The following MKNK1 variants were observed in gnomAD, a reference collection of about 807,000 sequenced individuals.
MKNK1 encodes the protein MAPK interacting serine/threonine kinase 1.
A neutral mutation model predicts 49.3 loss-of-function variants in MKNK1; 30 were observed. The observed-to-expected ratio is 0.61, with a 90% CI of 0.46 to 0.83. The LOEUF (loss-of-function observed/expected upper bound fraction) is 0.83. Among genes scored for constraint, MKNK1 ranks in the 40% least tolerant of loss-of-function variants. The pLI is 0.00. For missense variants in MKNK1, 423 were observed against 524.7 expected (o/e 0.81, Z 1.89); for synonymous variants, 176 against 201.7 (o/e 0.87, Z 1.08).
chr1:46,561,851 T>G (rs942924285), intron 10 of MKNK1, among the ~76,000 whole-genome samples: 2 of 152,326 alleles, frequency 1.3e-5, no homozygotes, highest in South Asian at 4.1e-4. Context: ...CAGGCCAGGA[T>G]GGCTATGCCC....
At chr1:46,570,771 G>A (rs1669978065) in intron 7 of MKNK1, among the ~76,000 whole-genome samples, 1 of 152,240 alleles carries the variant, frequency 6.6e-6, no homozygotes. Flanking sequence ...GGGAGGTGAG[G>A]ATGGAGGAAA....
intron 3 of MKNK1, among the ~76,000 whole-genome samples, chr1:46,581,954 T>C (rs1261639299): frequency 6.6e-6 from 1 of 152,194 alleles, no homozygotes; most frequent in African/African-American, 2.4e-5. Context: ...GCCTCCATTC[T>C]TCAGCCTTTT....
chr1:46,581,505 T>C (rs983333099), intron 3 of MKNK1, among the ~76,000 whole-genome samples: 17 of 32,362 alleles, frequency 5.3e-4, no homozygotes, highest in Non-Finnish European at 1.1e-4. Flanking sequence ...TGAGACCCCA[T>C]ATCAAAAAAA....
At chr1:46,583,167 G>T in intron 3 of MKNK1, 61 bp downstream of exon 3, 1 of 1,340,284 alleles carries the variant, frequency 7.5e-7, no homozygotes. Context: ...GTGGCTCCCG[G>T]GATGCTCCTC....
rs551722831 is a variant in MKNK1, at chr1:46,589,851, G to A, written c.-3+4262C>T. Among the ~76,000 whole-genome samples the A allele has an allele frequency of 1.2e-4, 19 of 152,216 alleles. No individual in the cohort carries two copies. The highest frequency in any genetic ancestry group is 4.6e-4 in the African/African-American group (19 of 41,538). ...TCTTATGAGCCACATTGTCCCCAAA[G>A]GAACCAGATCTGTACTCCAAATTTT... On this transcript the variant is annotated intron_variant, in intron 2 of 12. Transcript: ENST00000371945. This position sits in a 1 kb window ranked among gnomAD's most constrained non-coding sequence, Gnocchi z 4.3.
chr1:46,594,222 A>C lies in MKNK1; in HGVS notation c.-112T>G. On this transcript the variant is annotated 5_prime_UTR_variant, in exon 2 of 13. It adds an upstream start codon to the 5' untranslated region. Transcript: ENST00000371945. ...GTCTTCCAGCTACACGAAGTGTCTCAATGGCCTTTGTGCGTAGGTGGCAAT... is the reference window on the plus strand; with the variant it reads ...GTCTTCCAGCTACACGAAGTGTCTCCATGGCCTTTGTGCGTAGGTGGCAAT... 1 of 1,199,542 alleles carries C rather than the reference A, an allele frequency of 8.3e-7. No individual in the cohort carries two copies. The highest frequency in any genetic ancestry group is 1.2e-6 in the Non-Finnish European group (1 of 804,116). 74.3% of individuals were successfully genotyped at this position (1,199,542 alleles called of 1,614,324 possible).
At position 46,561,696 on chromosome 1, in the gene MKNK1, GC is replaced by G. The variant is rs763811571; in HGVS notation, c.805-55del. 5 of 1,583,594 alleles carry G rather than the reference GC, an allele frequency of 3.2e-6. No homozygotes were observed. In the South Asian group the frequency reaches 5.7e-5, roughly 18 times the overall value. ...ACACTGCCAGGGATGGGCAGGATGTGCCTGTCATTGTTTTGATCAACCGGCT... is the reference window on the plus strand; with the variant it reads ...ACACTGCCAGGGATGGGCAGGATGTGCTGTCATTGTTTTGATCAACCGGCT... On this transcript the variant is annotated intron_variant, in intron 10 of 12. Coordinates refer to ENST00000371945, the MANE Select transcript of MKNK1 (RefSeq NM_001135553.4).
chr1:46,600,860 A>G (rs1674643501), intron 1 of MKNK1, among the ~76,000 whole-genome samples: 1 of 152,174 alleles, frequency 6.6e-6, no homozygotes. Context: ...GACTGAAAAA[A>G]CAGAGTCATG....
intron 1 of MKNK1, 140 bp downstream of exon 1, chr1:46,604,045 G>A: frequency 6.6e-6 from 1 of 152,332 alleles, no homozygotes; most frequent in Non-Finnish European, 1.5e-5. Context: ...GTCCCCTTAG[G>A]CTGTCCCTCC....
chr1:46,567,713 C>T (rs1054362426), intron 8 of MKNK1, among the ~76,000 whole-genome samples: 4 of 152,224 alleles, frequency 2.6e-5, no homozygotes, highest in African/African-American at 9.6e-5. Flanking sequence ...TATATACACG[C>T]AGAGCTGTGA....
At chr1:46,561,318 G>A (rs1327203312) in intron 11 of MKNK1, among the ~76,000 whole-genome samples, 160 bp downstream of exon 11, 2 of 152,206 alleles carry the variant, frequency 1.3e-5, no homozygotes, top group Non-Finnish European at 2.9e-5. Flanking sequence ...TGGGGTAACA[G>A]GAGGAGTCGA....
At chr1:46,579,619 T>C (rs187360964) in intron 4 of MKNK1, among the ~76,000 whole-genome samples, 7 of 152,332 alleles carry the variant, frequency 4.6e-5, no homozygotes, top group Non-Finnish European at 7.4e-5. Context: ...CCCCTGTTTC[T>C]GAGTTGGTAC....
intron 1 of MKNK1, among the ~76,000 whole-genome samples, chr1:46,601,105 T>C (rs1320409253): frequency 1.3e-5 from 2 of 152,118 alleles, no homozygotes; most frequent in African/African-American, 2.4e-5. Context: ...TTAGTAGAGA[T>C]GGGGTTTCAC....
At chr1:46,594,372 C>A in intron 1 of MKNK1, 92 bp from the exon 2 acceptor site, 1 of 585,810 alleles carries the variant, frequency 1.7e-6, no homozygotes, top group Non-Finnish European at 3.1e-6. Flanking sequence ...TGCCCCAAAC[C>A]TATGAGTTAC....
chr1:46,603,041 A>G (rs566362791), intron 1 of MKNK1, among the ~76,000 whole-genome samples: 3 of 152,132 alleles, frequency 2.0e-5, no homozygotes, highest in Non-Finnish European at 2.9e-5. Flanking sequence ...ACTCCTAACC[A>G]ACTCTCTGGA....
intron 11 of MKNK1, 64 bp from the exon 12 acceptor site, chr1:46,560,341 C>T (rs1667728956): frequency 3.8e-6 from 6 of 1,565,164 alleles, no homozygotes; most frequent in Admixed American, 1.7e-5. Flanking sequence ...ACTGCCCCAC[C>T]CAAGCCAGCA....
chr1:46,581,069 C>T (rs915589049), intron 3 of MKNK1, among the ~76,000 whole-genome samples: 9 of 151,896 alleles, frequency 5.9e-5, no homozygotes, highest in Admixed American at 1.3e-4. Flanking sequence ...AATATATATA[C>T]GCATGATCCC....
At chr1:46,559,558 T>C (rs1569974746) in intron 12 of MKNK1, 1 of 153,690 alleles carries the variant, frequency 6.5e-6, no homozygotes, top group Non-Finnish European at 1.4e-5. Context: ...CTCACCTCTC[T>C]CATCTAGAAC....
rs78597600 is a variant in MKNK1, at chr1:46,589,240, G to A, written c.-3+4873C>T. On this transcript the variant is annotated intron_variant, in intron 2 of 12. Transcript: ENST00000371945. This position sits in a 1 kb window ranked among gnomAD's most constrained non-coding sequence, Gnocchi z 4.3. ...GGAGGTACCAGGTGCTGTGGAGCAGGAGAGAGGAAGCTAACCCAGTTGGGT... is the reference window on the plus strand; with the variant it reads ...GGAGGTACCAGGTGCTGTGGAGCAGAAGAGAGGAAGCTAACCCAGTTGGGT... Among the ~76,000 whole-genome samples, 831 of 152,338 alleles carry A rather than the reference G, an allele frequency of 5.5e-3. 7 individuals are homozygous for A. Among genetic ancestry groups the A allele is most frequent in the East Asian group, 0.032 (166 of 5,184 alleles).
Sources: allele counts gnomAD v4.1 joint callset (sites outside exome capture counted in the v4.1 genomes callset), GRCh38; gene constraint gnomAD v4.1.1; non-coding constraint Gnocchi (gnomAD v3.1); transcripts MANE v1.5; gene names NCBI Gene and HGNC (gene_info 2026-07-23, HGNC 2026-07-21).